The following KAZN variants were observed in gnomAD, a reference collection of about 807,000 sequenced individuals.
KAZN encodes kazrin, periplakin interacting protein, also known as kazrin.
Under a neutral mutation model 87.4 loss-of-function variants are expected in KAZN, and 40 were observed. The observed-to-expected ratio is 0.46, with a 90% CI of 0.36 to 0.60. The LOEUF (loss-of-function observed/expected upper bound fraction) is 0.60. Ranked by LOEUF, KAZN falls within the 20% of genes least tolerant of loss-of-function variation. The pLI is 0.00. For missense variants in KAZN, 898 were observed against 1,073.9 expected (o/e 0.84, Z 2.29); for synonymous variants, 466 against 458.3 (o/e 1.02, Z -0.22).
In KAZN at chr1:14,816,663, A is replaced by C. The variant is rs1646574382; in HGVS notation, c.227-144021A>C. Among the ~76,000 whole-genome samples, 3 of 152,344 alleles carry C rather than the reference A, an allele frequency of 2.0e-5. No homozygotes were observed. The South Asian group carries it at 6.2e-4, about 32-fold the overall frequency. On this transcript the variant is annotated intron_variant, in intron 1 of 14. Transcript: ENST00000376030. ...TATAGATACAGATAGATCTAGATATATTTACATGTAGAGATAGATGATAGA... is the reference window on the plus strand; with the variant it reads ...TATAGATACAGATAGATCTAGATATCTTTACATGTAGAGATAGATGATAGA...
At chr1:14,001,357 C>A (rs1322714532) in intron 1 of KAZN, among the ~76,000 whole-genome samples, 1 of 151,992 alleles carries the variant, frequency 6.6e-6, no homozygotes, top group East Asian at 1.9e-4. Context: ...TAAGAAAGGA[C>A]ACAAACAAAT....
At chr1:14,094,851 T>C (rs1557470983) in intron 1 of KAZN, among the ~76,000 whole-genome samples, 1 of 152,214 alleles carries the variant, frequency 6.6e-6, no homozygotes, top group Non-Finnish European at 1.5e-5. Context: ...ACATTCCATC[T>C]TTACTAGGTG....
intron 1 of KAZN, among the ~76,000 whole-genome samples, chr1:13,981,095 A>ATT: frequency 9.6e-6 from 1 of 104,244 alleles, no homozygotes; most frequent in East Asian, 2.3e-4. Context: ...CTCTTTATAT[A>ATT]TATATATATA....
At chr1:14,456,995 G>A (rs1007332659) in intron 2 of KAZN, among the ~76,000 whole-genome samples, 2 of 152,154 alleles carry the variant, frequency 1.3e-5, no homozygotes, top group African/African-American at 4.8e-5. Flanking sequence ...CAGAAAAATC[G>A]CTTGAACCCG....
chr1:14,924,781 G>A (rs1401277316), intron 1 of KAZN, among the ~76,000 whole-genome samples: 1 of 152,186 alleles, frequency 6.6e-6, no homozygotes, highest in Non-Finnish European at 1.5e-5. Context: ...ACCGGGGCTC[G>A]GGGGCTGCAC....
At chr1:14,343,640 T>G (rs1025184093) in intron 2 of KAZN, among the ~76,000 whole-genome samples, 2 of 152,196 alleles carry the variant, frequency 1.3e-5, no homozygotes, top group African/African-American at 2.4e-5. Context: ...GAAAACCATG[T>G]TTGATTTTTA....
chr1:14,069,754 T>G (rs1314547937), intron 1 of KAZN, among the ~76,000 whole-genome samples: 1 of 152,214 alleles, frequency 6.6e-6, no homozygotes, highest in Admixed American at 6.5e-5. Context: ...AGGGAAACCC[T>G]TTCAGGTTTT....
intron 2 of KAZN, among the ~76,000 whole-genome samples, chr1:14,457,529 C>T (rs563681010): frequency 9.2e-5 from 14 of 152,152 alleles, no homozygotes; most frequent in Middle Eastern, 3.4e-3. Context: ...TGCACGTGGC[C>T]CTTTCTATTT....
intron 1 of KAZN, among the ~76,000 whole-genome samples, chr1:14,633,517 C>T (rs1353796067): frequency 6.6e-6 from 1 of 152,176 alleles, no homozygotes; most frequent in Non-Finnish European, 1.5e-5. Context: ...CTAGAAGAAA[C>T]ACAGCCCTGT....
At chr1:15,068,745 G>A (rs1421314207) in intron 8 of KAZN, among the ~76,000 whole-genome samples, 1 of 151,904 alleles carries the variant, frequency 6.6e-6, no homozygotes, top group East Asian at 1.9e-4. Flanking sequence ...GAGGGTACCC[G>A]GGTTACCCCA....
At chr1:13,945,233 G>T (rs564296156) in intron 1 of KAZN, among the ~76,000 whole-genome samples, 10 of 152,088 alleles carry the variant, frequency 6.6e-5, no homozygotes, top group Non-Finnish European at 1.3e-4. Flanking sequence ...CAGCACTTTG[G>T]GAGGTCGAGG....
chr1:14,462,495 C>T (rs893324971), intron 2 of KAZN, among the ~76,000 whole-genome samples: 1 of 152,140 alleles, frequency 6.6e-6, no homozygotes, highest in African/African-American at 2.4e-5. Flanking sequence ...ATTTCATAAC[C>T]TTGATCCTAA....
At chr1:14,711,415 G>A (rs189020819) in intron 1 of KAZN, among the ~76,000 whole-genome samples, 24 of 152,134 alleles carry the variant, frequency 1.6e-4, no homozygotes, top group South Asian at 4.2e-4. Context: ...GTCACATTTC[G>A]TTTGGGGATG....
intron 1 of KAZN, among the ~76,000 whole-genome samples, chr1:13,928,963 A>G (rs1396563205): frequency 6.6e-6 from 1 of 151,382 alleles, no homozygotes; most frequent in African/African-American, 2.4e-5. Flanking sequence ...CCTCCTGGGA[A>G]TTAGTAGCTT....
intron 2 of KAZN, among the ~76,000 whole-genome samples, chr1:14,978,765 C>T (rs1665929159): frequency 6.6e-6 from 1 of 152,114 alleles, no homozygotes; most frequent in Admixed American, 6.5e-5. Flanking sequence ...CAGAGGCAGT[C>T]TTTCTGAGCT....
At chr1:14,481,180 C>T (rs1571756815) in intron 2 of KAZN, among the ~76,000 whole-genome samples, 1 of 152,064 alleles carries the variant, frequency 6.6e-6, no homozygotes, top group African/African-American at 2.4e-5. Context: ...CTACCTCTGC[C>T]TCTTATGTGT....
chr1:14,161,106 G>C (rs7523873), intron 1 of KAZN, among the ~76,000 whole-genome samples: 26,570 of 152,240 alleles, frequency 0.17, 2,904 homozygotes, highest in East Asian at 0.33. Flanking sequence ...TTTAAGAATA[G>C]AGTTGCATAG....
chr1:14,860,680 G>A (rs1650732284), intron 1 of KAZN, among the ~76,000 whole-genome samples: 1 of 152,168 alleles, frequency 6.6e-6, no homozygotes, highest in Admixed American at 6.5e-5. Flanking sequence ...AAGCATTTTA[G>A]ACACAGCACA....
intron 2 of KAZN, among the ~76,000 whole-genome samples, chr1:14,285,875 C>T (rs1653206090): frequency 6.6e-6 from 1 of 152,148 alleles, no homozygotes; most frequent in African/African-American, 2.4e-5. Context: ...TTGGAGTCAG[C>T]AACGAGAGCC....
Sources: allele counts gnomAD v4.1 joint callset (sites outside exome capture counted in the v4.1 genomes callset), GRCh38; gene constraint gnomAD v4.1.1; transcripts MANE v1.5; gene names NCBI Gene and HGNC (gene_info 2026-07-23, HGNC 2026-07-21).